The following VPS13C variants were observed in gnomAD, a reference collection of about 807,000 sequenced individuals.
The protein encoded by VPS13C is intermembrane lipid transfer protein VPS13C.
Under a neutral mutation model 456.8 loss-of-function variants are expected in VPS13C, and 358 were observed. That is an observed-to-expected ratio of 0.78 (90% confidence interval 0.72 to 0.86). VPS13C has a LOEUF of 0.86. Ranked by LOEUF, VPS13C falls within the 40% of genes least tolerant of loss-of-function variation. VPS13C has a pLI of 0.00. For synonymous variants in VPS13C, 1,578 were observed against 1,486.7 expected, an observed-to-expected ratio of 1.06 and a Z score of -1.41; for missense variants, 4,818 against 4,385.4, an observed-to-expected ratio of 1.10 and a Z score of -2.79.
intron 13 of VPS13C, 35 bp from the exon 14 acceptor site, chr15:62,008,796 C>G (rs771937903): frequency 8.1e-7 from 1 of 1,231,160 alleles, no homozygotes; most frequent in Non-Finnish European, 1.1e-6. Context: ...ATTTATTACA[C>G]TGTATATATA....
rs981696015 is a variant in VPS13C, at chr15:61,858,055, G to A, written c.10953-1646C>T. ...AACAGTCTCCACTGCCCACACTCCCGGCCCCAGTCGATAATCAGCTGACAG... is the reference window on the plus strand; with the variant it reads ...AACAGTCTCCACTGCCCACACTCCCAGCCCCAGTCGATAATCAGCTGACAG... On this transcript the variant is annotated intron_variant, in intron 82 of 84. Coordinates refer to ENST00000644861, the MANE Select transcript of VPS13C (RefSeq NM_020821.3). The surrounding 1 kb of genome is among the most constrained non-coding windows in gnomAD (Gnocchi z 4.4). 1.8e-4 allele frequency among the ~76,000 whole-genome samples: 28 copies of A among 151,966 alleles called. No individual in the cohort carries two copies. The highest frequency in any genetic ancestry group is 6.3e-4 in the African/African-American group (26 of 41,352).
chr15:62,040,302 T>C (rs1420746451), intron 3 of VPS13C, among the ~76,000 whole-genome samples: 2 of 152,164 alleles, frequency 1.3e-5, no homozygotes, highest in East Asian at 3.8e-4. Flanking sequence ...ACAGGGTGAC[T>C]ACATTCAATA....
intron 52 of VPS13C, among the ~76,000 whole-genome samples, chr15:61,926,451 T>G (rs1021965545): frequency 6.6e-6 from 1 of 152,182 alleles, no homozygotes; most frequent in Non-Finnish European, 1.5e-5. Flanking sequence ...TTTGGTGACA[T>G]GTATAAAGAC....
intron 38 of VPS13C, among the ~76,000 whole-genome samples, chr15:61,953,165 G>C (rs1484232204): frequency 6.6e-6 from 1 of 152,014 alleles, no homozygotes; most frequent in Non-Finnish European, 1.5e-5. Context: ...TTTTATGCCT[G>C]TTCCTCTTTC....
intron 16 of VPS13C, among the ~76,000 whole-genome samples, chr15:61,996,880 C>G (rs1344902756): frequency 6.7e-6 from 1 of 149,454 alleles, no homozygotes; most frequent in Non-Finnish European, 1.5e-5. Flanking sequence ...CACACACACA[C>G]ACACACACAC....
Position 61,865,938 on chromosome 15 carries a change from A to G in VPS13C, c.10864-2410T>C, listed in dbSNP as rs1249045047. 2.5e-5 allele frequency: 25 copies of G among 982,826 alleles called. 1 individual carries two copies. The Admixed American group carries it at 1.5e-3, about 61-fold the overall frequency. The allele number at this position is 982,826 out of a possible 1,614,324, so 60.9% of individuals were successfully genotyped here. On this transcript the variant is annotated intron_variant, in intron 81 of 84. Coordinates refer to ENST00000644861, the MANE Select transcript of VPS13C (RefSeq NM_020821.3). ...AGGAGAAAAAGGAACATGAGGATCA[A>G]AAGATCCCCAAATAAATTATTTAGA...
At chr15:61,868,446 A>C (rs765852276) in intron 81 of VPS13C, among the ~76,000 whole-genome samples, 34 of 135,044 alleles carry the variant, frequency 2.5e-4, no homozygotes, top group Non-Finnish European at 3.5e-4. Flanking sequence ...TCTGCACACA[A>C]AAAAAAGCTT....
Position 61,940,665 on chromosome 15 carries a change from T to C in VPS13C, c.5583A>G (p.Gly1861=). The change falls in exon 47 of 85, where the codon GGA becomes GGG. Residue 1861 remains glycine, a synonymous_variant. Transcript: ENST00000644861. ...TACTTACCTGCATAGGTTTTAGTTT[T>C]CCTTTTATCTCCATCCCTGGAATTT... is the stretch of plus-strand genomic sequence containing the variant. ...YVQIPGMEIK[G]KLKPMQVALS... is the part of the protein sequence containing the mutation. 6.2e-7 allele frequency: 1 copy of C among 1,613,398 alleles called. No homozygotes were observed.
At chr15:62,057,706 A>C (rs1425523122) in intron 1 of VPS13C, among the ~76,000 whole-genome samples, 1 of 152,226 alleles carries the variant, frequency 6.6e-6, no homozygotes, top group African/African-American at 2.4e-5. Flanking sequence ...AAAATTTAAA[A>C]ATGAGATGAA....
intron 55 of VPS13C, among the ~76,000 whole-genome samples, chr15:61,921,710 C>G (rs755839669): frequency 5.3e-5 from 8 of 152,102 alleles, no homozygotes; most frequent in Non-Finnish European, 8.8e-5. Flanking sequence ...ATTCTCGTTT[C>G]TGTTCTGCAT....
At chr15:61,916,662 G>C (rs1324832649) in intron 60 of VPS13C, among the ~76,000 whole-genome samples, 1 of 151,894 alleles carries the variant, frequency 6.6e-6, no homozygotes, top group Non-Finnish European at 1.5e-5. Context: ...AAAAAAACAT[G>C]TAGGTTCCAA....
At chr15:61,971,255 TTTTATTTTAC>T (rs1207775213) in intron 27 of VPS13C, among the ~76,000 whole-genome samples, 1 of 152,148 alleles carries the variant, frequency 6.6e-6, no homozygotes, top group Non-Finnish European at 1.5e-5. Flanking sequence ...TCCCTTTTAT[TTTTATTTTAC>T]TTTATTTTAT....
intron 3 of VPS13C, among the ~76,000 whole-genome samples, chr15:62,041,025 C>T (rs1054796357): frequency 1.3e-5 from 2 of 152,040 alleles, no homozygotes; most frequent in South Asian, 2.1e-4. Context: ...AGAAAAAGCA[C>T]ATAAAACTTG....
At chr15:61,900,733 T>C (rs2042971530) in intron 66 of VPS13C, among the ~76,000 whole-genome samples, 1 of 151,702 alleles carries the variant, frequency 6.6e-6, no homozygotes, top group Admixed American at 6.6e-5. Flanking sequence ...TACCAATGCC[T>C]TTCTTCACAG....
intron 5 of VPS13C, among the ~76,000 whole-genome samples, chr15:62,033,046 T>C (rs904206736): frequency 1.3e-5 from 2 of 151,742 alleles, no homozygotes; most frequent in African/African-American, 2.4e-5. Flanking sequence ...CAGCATTTCC[T>C]CTAAACATCA....
At chr15:61,869,013 T>A (rs1228035613) in intron 80 of VPS13C, among the ~76,000 whole-genome samples, 2 of 152,168 alleles carry the variant, frequency 1.3e-5, no homozygotes, top group African/African-American at 2.4e-5. Flanking sequence ...ACTCTTTGTA[T>A]CCTTGGTGTC....
intron 20 of VPS13C, 49 bp downstream of exon 20, chr15:61,983,771 A>G (rs1322872549): frequency 6.4e-7 from 1 of 1,561,716 alleles, no homozygotes; most frequent in South Asian, 1.2e-5. Flanking sequence ...ACAGTATGTC[A>G]GAAGCATAAG....
intron 1 of VPS13C, among the ~76,000 whole-genome samples, chr15:62,047,610 G>C (rs1304721662): frequency 6.6e-6 from 1 of 152,140 alleles, no homozygotes; most frequent in Non-Finnish European, 1.5e-5. Flanking sequence ...CTAATACAAA[G>C]AATAGGGGAG....
At chr15:61,855,613 A>G (rs559054793) in intron 83 of VPS13C, among the ~76,000 whole-genome samples, 1 of 152,256 alleles carries the variant, frequency 6.6e-6, no homozygotes, top group South Asian at 2.1e-4. Flanking sequence ...CTAGCTACTA[A>G]ATTTCCCAGT....
Sources: gnomAD v4.1 joint callset for allele counts (sites outside exome capture counted in the v4.1 genomes callset) on GRCh38, gnomAD v4.1.1 for gene constraint, Gnocchi (gnomAD v3.1) non-coding constraint, MANE v1.5 for transcripts, NCBI Gene and HGNC (gene_info 2026-07-23, HGNC 2026-07-21) for gene names.